The following GALNT13 variants were observed in gnomAD, a reference collection of about 807,000 sequenced individuals.
The protein encoded by GALNT13 is UDP-GalNAc:polypeptide N-acetylgalactosaminyltransferase 13.
In GALNT13, 28 loss-of-function variants were observed where a neutral mutation model predicts 64.2. The observed-to-expected ratio is 0.44, with a 90% CI of 0.32 to 0.60. The LOEUF (loss-of-function observed/expected upper bound fraction) is 0.60. GALNT13 is among the 20% of genes least tolerant of loss of function. The pLI, the probability that GALNT13 is intolerant of heterozygous loss-of-function variation, is 0.05. For missense variants in GALNT13, 577 were observed against 669.8 expected (o/e 0.86, Z 1.53); for synonymous variants, 214 against 224.6 (o/e 0.95, Z 0.42).
the GALNT13 span, among the ~76,000 whole-genome samples, chr2:153,267,304 T>C: frequency 6.6e-6 from 1 of 152,132 alleles, no homozygotes; most frequent in African/African-American, 2.4e-5. Flanking sequence ...GTGTGGGGGC[T>C]CCACCCCACA....
the GALNT13 span, among the ~76,000 whole-genome samples, chr2:153,148,218 T>A: frequency 6.6e-6 from 1 of 151,882 alleles, no homozygotes; most frequent in Non-Finnish European, 1.5e-5. Context: ...CCTTTGTGGG[T>A]GTTGAATGCT....
the GALNT13 span, among the ~76,000 whole-genome samples, chr2:153,404,389 C>A: frequency 6.6e-6 from 1 of 152,152 alleles, no homozygotes; most frequent in Non-Finnish European, 1.5e-5. Flanking sequence ...AAATCCAATG[C>A]CTGCACTGGC....
At chr2:153,796,067 C>A in the GALNT13 span, among the ~76,000 whole-genome samples, 1 of 152,160 alleles carries the variant, frequency 6.6e-6, no homozygotes, top group Non-Finnish European at 1.5e-5. Flanking sequence ...AGAGTTAAAG[C>A]GTTCACTTCT....
chr2:153,251,723 T>C, the GALNT13 span, among the ~76,000 whole-genome samples: 1 of 150,948 alleles, frequency 6.6e-6, no homozygotes, highest in Non-Finnish European at 1.5e-5. Flanking sequence ...ATGCGGTGTT[T>C]GGTTTTTTGT....
chr2:153,428,757 T>C, the GALNT13 span, among the ~76,000 whole-genome samples: 1 of 152,012 alleles, frequency 6.6e-6, no homozygotes, highest in Non-Finnish European at 1.5e-5. Context: ...CTGATCCTAG[T>C]AAGGAAAAAA....
chr2:153,489,405 T>A, the GALNT13 span, among the ~76,000 whole-genome samples: 3 of 152,334 alleles, frequency 2.0e-5, no homozygotes, highest in Admixed American at 2.0e-4. Context: ...AAGAGCCTCA[T>A]TCTACCTTTT....
At chr2:153,776,638 A>C in the GALNT13 span, among the ~76,000 whole-genome samples, 26 of 152,326 alleles carry the variant, frequency 1.7e-4, no homozygotes, top group Admixed American at 1.3e-3. Flanking sequence ...TTTTGAACTA[A>C]CTACCTATAA....
chr2:154,305,333 T>C (rs1251509352), intron 9 of GALNT13, among the ~76,000 whole-genome samples: 1 of 152,064 alleles, frequency 6.6e-6, no homozygotes, highest in Non-Finnish European at 1.5e-5. Context: ...GGGAGCTACA[T>C]GCATTCACAT....
At chr2:153,222,403 G>A in the GALNT13 span, among the ~76,000 whole-genome samples, 28 of 72,392 alleles carry the variant, frequency 3.9e-4, no homozygotes, top group Non-Finnish European at 6.3e-4. Flanking sequence ...GGTGGCCATG[G>A]CCGGGCCTGG....
At chr2:154,149,081 A>G (rs1558987405) in intron 4 of GALNT13, among the ~76,000 whole-genome samples, 1 of 152,140 alleles carries the variant, frequency 6.6e-6, no homozygotes. Context: ...TAAGTCTTTA[A>G]TCCATCTTGC....
intron 3 of GALNT13, among the ~76,000 whole-genome samples, chr2:154,076,344 C>A (rs544937064): frequency 6.6e-6 from 1 of 151,806 alleles, no homozygotes; most frequent in East Asian, 1.9e-4. Context: ...GATCAGAAAT[C>A]GCAGTCATGA....
intron 2 of GALNT13, among the ~76,000 whole-genome samples, chr2:153,924,776 C>T (rs933207195): frequency 6.6e-6 from 1 of 152,096 alleles, no homozygotes; most frequent in East Asian, 1.9e-4. Flanking sequence ...GATGATATCT[C>T]ACTGTGTTTT....
At chr2:153,796,463 T>C in the GALNT13 span, among the ~76,000 whole-genome samples, 1 of 152,220 alleles carries the variant, frequency 6.6e-6, no homozygotes. Flanking sequence ...AAAATGATCA[T>C]GTCATGTTGG....
chr2:154,120,933 C>T (rs1487884787), intron 3 of GALNT13, among the ~76,000 whole-genome samples: 1 of 151,996 alleles, frequency 6.6e-6, no homozygotes, highest in Admixed American at 6.6e-5. Flanking sequence ...GTATTCTTGC[C>T]ATTCTGTTTT....
intron 3 of GALNT13, among the ~76,000 whole-genome samples, chr2:154,057,567 A>T (rs576503314): frequency 6.6e-6 from 1 of 152,208 alleles, no homozygotes; most frequent in African/African-American, 2.4e-5. Flanking sequence ...ACATTAACAG[A>T]TAACCCAAAT....
At chr2:154,221,293 T>C (rs1688309954) in intron 4 of GALNT13, among the ~76,000 whole-genome samples, 1 of 152,114 alleles carries the variant, frequency 6.6e-6, no homozygotes, top group South Asian at 2.1e-4. Context: ...TTCATTGTTA[T>C]ATCATGTATA....
the GALNT13 span, among the ~76,000 whole-genome samples, chr2:153,150,760 T>A: frequency 1.4e-3 from 212 of 152,210 alleles, no homozygotes; most frequent in African/African-American, 4.9e-3. Flanking sequence ...TTTTGTCAGG[T>A]TTGTCAAAGA....
chr2:153,841,521 G>A, the GALNT13 span, among the ~76,000 whole-genome samples: 1 of 152,084 alleles, frequency 6.6e-6, no homozygotes, highest in Non-Finnish European at 1.5e-5. Flanking sequence ...ATTACGATAT[G>A]AATTAACAGA....
intron 2 of GALNT13, among the ~76,000 whole-genome samples, chr2:153,910,052 C>T (rs529558285): frequency 8.0e-5 from 12 of 149,796 alleles, no homozygotes; most frequent in Non-Finnish European, 1.5e-4. Context: ...GTGAATCCTT[C>T]TGGCCCTGGC....
Sources: gnomAD v4.1 joint callset for allele counts (sites outside exome capture counted in the v4.1 genomes callset) on GRCh38, gnomAD v4.1.1 for gene constraint, MANE v1.5 for transcripts, NCBI Gene and HGNC (gene_info 2026-07-23, HGNC 2026-07-21) for gene names.